The following SDK1 variants were observed in gnomAD, a reference collection of about 807,000 sequenced individuals.
The protein encoded by SDK1 is protein sidekick-1.
Under a neutral mutation model 245.5 loss-of-function variants are expected in SDK1, and 157 were observed. The ratio of observed to expected loss-of-function variants is 0.64; its 90% CI spans 0.56 to 0.73. The LOEUF (loss-of-function observed/expected upper bound fraction) is 0.73, where lower values mean the gene tolerates loss of function less well. SDK1 is among the 30% of genes least tolerant of loss of function. The pLI is 0.00. For synonymous variants in SDK1, 1,647 were observed against 1,278.5 expected (o/e 1.29, Z -6.15); for missense variants, 3,583 against 3,002.3 (o/e 1.19, Z -4.52).
chr7:3,649,551 A>G (rs1458565568), intron 4 of SDK1, among the ~76,000 whole-genome samples: 1 of 152,006 alleles, frequency 6.6e-6, no homozygotes, highest in Non-Finnish European at 1.5e-5. Context: ...ATTCAACATC[A>G]TTTCTGTGGT....
At chr7:3,862,634 C>T (rs1780722032) in intron 5 of SDK1, among the ~76,000 whole-genome samples, 1 of 152,144 alleles carries the variant, frequency 6.6e-6, no homozygotes, top group African/African-American at 2.4e-5. Flanking sequence ...CACTTAGTCT[C>T]TTCCTTATTT....
chr7:3,487,769 A>AG (rs1358597739), intron 1 of SDK1, among the ~76,000 whole-genome samples: 6 of 151,396 alleles, frequency 4.0e-5, no homozygotes, highest in Non-Finnish European at 7.4e-5. Flanking sequence ...AAAAAAAAAA[A>AG]AAAAAAAGAA....
chr7:3,538,952 C>A (rs1458346297), intron 1 of SDK1, among the ~76,000 whole-genome samples: 1 of 152,220 alleles, frequency 6.6e-6, no homozygotes, highest in Non-Finnish European at 1.5e-5. Context: ...GATTCCTTTT[C>A]TTGTTCCTGT....
At chr7:4,140,070 C>T (rs1237209892) in intron 28 of SDK1, among the ~76,000 whole-genome samples, 3 of 152,130 alleles carry the variant, frequency 2.0e-5, no homozygotes, top group Non-Finnish European at 4.4e-5. Context: ...AGTGCCTTGT[C>T]CCCCTGTCAC....
chr7:3,956,323 C>T (rs1177882233), intron 7 of SDK1, among the ~76,000 whole-genome samples: 1 of 152,202 alleles, frequency 6.6e-6, no homozygotes, highest in East Asian at 1.9e-4. Context: ...TTGGCATTTC[C>T]TCCGGTTCTT....
chr7:3,690,610 G>T (rs554418821), intron 4 of SDK1, among the ~76,000 whole-genome samples: 172 of 152,210 alleles, frequency 1.1e-3, no homozygotes, highest in African/African-American at 3.9e-3. Context: ...TCATAGTATA[G>T]CTTTTACAGA....
chr7:3,922,962 C>G (rs1779644886), intron 5 of SDK1, among the ~76,000 whole-genome samples: 2 of 152,150 alleles, frequency 1.3e-5, no homozygotes, highest in Non-Finnish European at 2.9e-5. Flanking sequence ...AATCTATTTT[C>G]TTTGAATTCT....
In SDK1 at chr7:3,362,177, C is replaced by T. The variant is rs74317543; in HGVS notation, c.298+60293C>T. ...ACTGTAGAATCTAGATGAAATTAAC[C>T]CTGGGAGAACCCTATATATCCCTGA... is the stretch of plus-strand genomic sequence containing the variant. On this transcript the variant is annotated intron_variant, in intron 1 of 44. Transcript: ENST00000404826. Among the ~76,000 whole-genome samples the T allele has an allele frequency of 8.4e-3, 1,285 of 152,172 alleles. 15 individuals carry two copies. The highest frequency in any genetic ancestry group is 0.029 in the African/African-American group (1,187 of 41,480).
intron 4 of SDK1, among the ~76,000 whole-genome samples, chr7:3,701,000 C>T (rs982423009): frequency 2.6e-5 from 4 of 152,094 alleles, no homozygotes; most frequent in African/African-American, 4.8e-5. Context: ...GTGTCGTGCG[C>T]GTGAGCCCCA....
chr7:3,902,096 T>A (rs1031806675), intron 5 of SDK1, among the ~76,000 whole-genome samples: 1 of 152,170 alleles, frequency 6.6e-6, no homozygotes, highest in Non-Finnish European at 1.5e-5. Flanking sequence ...TGCCTTTGAG[T>A]GCAATATGAT....
intron 1 of SDK1, among the ~76,000 whole-genome samples, chr7:3,419,998 C>A (rs1037173149): frequency 6.6e-6 from 1 of 152,220 alleles, no homozygotes; most frequent in Non-Finnish European, 1.5e-5. Flanking sequence ...ACCTCTGTGA[C>A]TGTGAAACAT....
At chr7:3,516,506 T>A (rs948418097) in intron 1 of SDK1, among the ~76,000 whole-genome samples, 1 of 152,166 alleles carries the variant, frequency 6.6e-6, no homozygotes. Flanking sequence ...GAGTGTATTT[T>A]AAAAAATTAT....
intron 1 of SDK1, among the ~76,000 whole-genome samples, chr7:3,343,761 A>T (rs1486451893): frequency 6.6e-6 from 1 of 152,168 alleles, no homozygotes; most frequent in African/African-American, 2.4e-5. Flanking sequence ...AGAAGACAAG[A>T]TTGGAAAGTG....
chr7:3,467,881 A>G (rs1254330697), intron 1 of SDK1, among the ~76,000 whole-genome samples: 1 of 152,088 alleles, frequency 6.6e-6, no homozygotes, highest in East Asian at 1.9e-4. Flanking sequence ...AGGAATCTGA[A>G]AATGCATCAC....
rs139645640 is a variant in SDK1 at position 3,472,995 on chromosome 7, T to C, written c.299-146085T>C. ...TATTTGACCCTTTCCCTTCCTCCTC[T>C]TCTTTTTCCCCATTTTCCTTTTGCT... On this transcript the variant is annotated intron_variant, in intron 1 of 44. Coordinates refer to ENST00000404826, the MANE Select transcript of SDK1 (RefSeq NM_152744.4). 5.9e-5 allele frequency among the ~76,000 whole-genome samples: 9 copies of C among 152,322 alleles called. No homozygotes were observed. The South Asian group carries it at 1.4e-3, about 25-fold the overall frequency.
intron 1 of SDK1, among the ~76,000 whole-genome samples, chr7:3,541,068 A>G (rs1485500130): frequency 6.6e-6 from 1 of 152,216 alleles, no homozygotes; most frequent in African/African-American, 2.4e-5. Context: ...AACATTTGAC[A>G]CAATCATTTC....
chr7:3,465,239 C>G (rs900722205), intron 1 of SDK1, among the ~76,000 whole-genome samples: 1 of 152,110 alleles, frequency 6.6e-6, no homozygotes. Flanking sequence ...AAGCAGAGGC[C>G]CTCCTGCCCA....
Position 3,829,119 on chromosome 7 carries a change from G to A in SDK1, c.847+7536G>A, listed in dbSNP as rs76164813. On this transcript the variant is annotated intron_variant, in intron 5 of 44. Coordinates refer to ENST00000404826, the MANE Select transcript of SDK1 (RefSeq NM_152744.4). ...GAATACATATAGATGCGCTGCGGTA[G>A]TTTTATTAAAATATACTGAAATAGT... 8.1e-3 allele frequency among the ~76,000 whole-genome samples: 1,233 copies of A among 152,228 alleles called. 16 individuals are homozygous for A. Among genetic ancestry groups the A allele is most frequent in the African/African-American group, 0.028 (1,178 of 41,518 alleles).
intron 4 of SDK1, among the ~76,000 whole-genome samples, chr7:3,804,372 C>A (rs1026458715): frequency 6.6e-6 from 1 of 152,060 alleles, no homozygotes; most frequent in East Asian, 1.9e-4. Flanking sequence ...TTGGTTTTTG[C>A]CCTTTGTAAA....
Sources: allele counts gnomAD v4.1 joint callset (sites outside exome capture counted in the v4.1 genomes callset), GRCh38; gene constraint gnomAD v4.1.1; transcripts MANE v1.5; gene names NCBI Gene and HGNC (gene_info 2026-07-23, HGNC 2026-07-21).